APBB1IP: variants seen among roughly 807,000 people sequenced by gnomAD.
The protein encoded by APBB1IP is amyloid beta precursor protein binding family B member 1 interacting protein.
APBB1IP carries 27 observed loss-of-function variants against 64.9 expected under a neutral mutation model. The observed-to-expected ratio is 0.42, with a 90% CI of 0.31 to 0.57. APBB1IP has a LOEUF of 0.57. Ranked by LOEUF, APBB1IP falls within the 20% of genes least tolerant of loss-of-function variation. The pLI is 0.20. For synonymous variants in APBB1IP, 392 were observed against 331.0 expected (o/e 1.18, Z -2.00); for missense variants, 812 against 845.5 (o/e 0.96, Z 0.49).
chr10:26,541,490 A>G, intron 10 of APBB1IP, 92 bp from the exon 11 acceptor site: 1 of 797,112 alleles, frequency 1.3e-6, no homozygotes, highest in Non-Finnish European at 2.0e-6. Context: ...TCTTTACTAA[A>G]ATATAATCCT....
rs573952110 is a variant in APBB1IP at position 26,513,405 on chromosome 10, T to A, written c.692-134T>A. On this transcript the variant is annotated intron_variant, in intron 7 of 14. Coordinates refer to ENST00000376236, the MANE Select transcript of APBB1IP (RefSeq NM_019043.4). ...ATAATAGAAATGTTACAGTGTGGCA[T>A]CATGTGAGAATTATTAATAAGAATC... 6.8e-6 allele frequency: 6 copies of A among 882,356 alleles called. No individual in the cohort carries two copies. In the Admixed American group the frequency reaches 1.0e-4, roughly 15 times the overall value. 54.7% of individuals were successfully genotyped at this position (882,356 alleles called of 1,614,324 possible).
intron 11 of APBB1IP, among the ~76,000 whole-genome samples, chr10:26,547,957 C>T (rs1379945825): frequency 1.3e-5 from 2 of 152,126 alleles, no homozygotes; most frequent in Admixed American, 1.3e-4. Flanking sequence ...TCAGTTGGCT[C>T]TAAATGCATT....
At chr10:26,489,225 G>A (rs1430330806) in intron 2 of APBB1IP, among the ~76,000 whole-genome samples, 1 of 152,174 alleles carries the variant, frequency 6.6e-6, no homozygotes, top group Non-Finnish European at 1.5e-5. Flanking sequence ...CTCTAGCTCA[G>A]GGTAGTTTTT....
chr10:26,443,447 CA>C (rs71281576), intron 2 of APBB1IP, among the ~76,000 whole-genome samples: 72 of 137,586 alleles, frequency 5.2e-4, no homozygotes, highest in Middle Eastern at 3.6e-3. Flanking sequence ...AACTCCATCT[CA>C]AAAAAAAAAA....
In APBB1IP at chr10:26,488,627, C is replaced by T. The variant is rs372470750; in HGVS notation, c.1-3700C>T. ...CCATGGAAATGACTCCTCATGCTGA[C>T]TTCCCTCATGAACCAGGGGCAGGGC... On this transcript the variant is annotated intron_variant, in intron 2 of 14. Transcript: ENST00000376236. Among the ~76,000 whole-genome samples, 128 of 152,334 alleles carry T rather than the reference C, an allele frequency of 8.4e-4. 2 individuals carry two copies. In the South Asian group the frequency reaches 0.026, roughly 30 times the overall value.
intron 11 of APBB1IP, among the ~76,000 whole-genome samples, chr10:26,553,414 G>A (rs1014861581): frequency 1.3e-5 from 2 of 152,158 alleles, no homozygotes; most frequent in African/African-American, 4.8e-5. Flanking sequence ...CACTTTGGGA[G>A]GCCGAGGCAG....
intron 14 of APBB1IP, among the ~76,000 whole-genome samples, chr10:26,566,439 GAGAAAAGGTTTCACC>G (rs1837045065): frequency 1.3e-5 from 2 of 152,218 alleles, no homozygotes; most frequent in South Asian, 4.2e-4. Context: ...ATTTTTAAAG[GAGAAAAGGTTTCACC>G]ATATTGTTCA....
intron 2 of APBB1IP, among the ~76,000 whole-genome samples, chr10:26,477,365 T>C (rs954954846): frequency 6.6e-6 from 1 of 152,260 alleles, no homozygotes; most frequent in Non-Finnish European, 1.5e-5. Flanking sequence ...AGTTTTCATA[T>C]AGTTTTACTT....
At chr10:26,520,215 C>T (rs962857343) in intron 8 of APBB1IP, among the ~76,000 whole-genome samples, 21 of 152,208 alleles carry the variant, frequency 1.4e-4, no homozygotes, top group African/African-American at 5.1e-4. Flanking sequence ...CATGTTATGA[C>T]ACAGTATGAA....
chr10:26,523,541 G>A (rs539366198), intron 8 of APBB1IP, among the ~76,000 whole-genome samples: 2 of 152,280 alleles, frequency 1.3e-5, no homozygotes, highest in Admixed American at 1.3e-4. Flanking sequence ...GAAAGGGGCC[G>A]TCCATTCTCA....
chr10:26,558,271 T>C (rs556625065), intron 11 of APBB1IP, among the ~76,000 whole-genome samples: 2 of 152,208 alleles, frequency 1.3e-5, no homozygotes, highest in East Asian at 3.9e-4. Flanking sequence ...TCTCAGAACC[T>C]ATGTTTGGTT....
chr10:26,453,409 G>T (rs1302998454), intron 2 of APBB1IP, among the ~76,000 whole-genome samples: 5 of 152,192 alleles, frequency 3.3e-5, no homozygotes, highest in Admixed American at 3.3e-4. Context: ...TCTGAGCTGG[G>T]AGACATGAGG....
intron 8 of APBB1IP, among the ~76,000 whole-genome samples, chr10:26,518,273 A>G (rs1321029310): frequency 1.3e-5 from 2 of 149,226 alleles, no homozygotes; most frequent in Non-Finnish European, 3.0e-5. Context: ...TTTTTTTTAA[A>G]GAGTCCTTCT....
intron 13 of APBB1IP, 65 bp from the exon 14 acceptor site, chr10:26,562,261 G>T (rs1166897912): frequency 2.5e-5 from 31 of 1,231,198 alleles, no homozygotes; most frequent in Non-Finnish European, 3.7e-5. Context: ...TGTATTTTCA[G>T]ATCGACTTTC....
chr10:26,440,220 T>C (rs1281042221), intron 2 of APBB1IP, among the ~76,000 whole-genome samples: 2 of 152,196 alleles, frequency 1.3e-5, no homozygotes, highest in African/African-American at 4.8e-5. Context: ...ATTGATTAAC[T>C]TGCATAACTT....
chr10:26,456,980 A>G (rs1266151466), intron 2 of APBB1IP, among the ~76,000 whole-genome samples: 1 of 152,154 alleles, frequency 6.6e-6, no homozygotes, highest in Non-Finnish European at 1.5e-5. Flanking sequence ...GACTTCCAGA[A>G]TAGGTGATGC....
intron 2 of APBB1IP, among the ~76,000 whole-genome samples, chr10:26,476,003 G>A (rs1835770947): frequency 2.0e-5 from 3 of 152,042 alleles, no homozygotes; most frequent in African/African-American, 4.8e-5. Flanking sequence ...CAAGGCCAGA[G>A]GATCGCTTGA....
chr10:26,555,701 C>A (rs1287708347), intron 11 of APBB1IP, among the ~76,000 whole-genome samples: 1 of 152,186 alleles, frequency 6.6e-6, no homozygotes, highest in Admixed American at 6.5e-5. Context: ...CTGGTTCCAT[C>A]TATCCTCCCA....
intron 10 of APBB1IP, among the ~76,000 whole-genome samples, chr10:26,539,218 C>G (rs1836666389): frequency 6.6e-6 from 1 of 151,936 alleles, no homozygotes; most frequent in Non-Finnish European, 1.5e-5. Context: ...CAAGACCAGC[C>G]TGAGAAACAT....
Sources: allele counts gnomAD v4.1 joint callset (sites outside exome capture counted in the v4.1 genomes callset), GRCh38; gene constraint gnomAD v4.1.1; transcripts MANE v1.5; gene names NCBI Gene and HGNC (gene_info 2026-07-23, HGNC 2026-07-21).